The following KIF23 variants were observed in gnomAD, a reference collection of about 807,000 sequenced individuals.
The protein encoded by KIF23 is kinesin family member 23.
In KIF23, 30 loss-of-function variants were observed where a neutral mutation model predicts 137.5. The observed-to-expected ratio is 0.22, with a 90% CI of 0.16 to 0.30. The LOEUF is 0.30. KIF23 is among the 10% of genes least tolerant of loss of function. The pLI is 1.00. For synonymous variants in KIF23, 367 were observed against 391.1 expected, an observed-to-expected ratio of 0.94 and a Z score of 0.73; for missense variants, 920 against 1,194.3, an observed-to-expected ratio of 0.77 and a Z score of 3.38.
rs7168772 is a variant in KIF23 at position 69,437,084 on chromosome 15, G to A, written c.1597+362G>A. Among the ~76,000 whole-genome samples the A allele has an allele frequency of 6.4e-3, 968 of 152,286 alleles. 7 individuals carry two copies. The highest frequency in any genetic ancestry group is 0.022 in the African/African-American group (910 of 41,544). ...TGCAATAATTGTAACTTCTGAAATTGAAAGTATTTTCAATGAATCTGAGTT... is the reference window on the plus strand; with the variant it reads ...TGCAATAATTGTAACTTCTGAAATTAAAAGTATTTTCAATGAATCTGAGTT... On this transcript the variant is annotated intron_variant, in intron 15 of 23. Transcript: ENST00000679126.
chr15:69,421,553 T>G (rs963133373), intron 3 of KIF23, 94 bp from the exon 4 acceptor site: 1 of 772,062 alleles, frequency 1.3e-6, no homozygotes, highest in African/African-American at 1.7e-5. Flanking sequence ...TGCTTAGATC[T>G]TAAATGTCAT....
chr15:69,428,660 C>CA (rs59950355), intron 10 of KIF23, among the ~76,000 whole-genome samples: 1,777 of 74,102 alleles, frequency 0.024, 56 homozygotes, highest in African/African-American at 0.068. Flanking sequence ...CTCTGTCTCC[C>CA]AAAAAAAAAA....
Position 69,444,228 on chromosome 15 carries a change from G to A in KIF23, c.2422-562G>A, listed in dbSNP as rs1249907012. 1.3e-5 allele frequency: 2 copies of A among 152,470 alleles called. No homozygotes were observed. The highest frequency in any genetic ancestry group is 2.4e-5 in the African/African-American group (1 of 41,430). 9.4% of individuals were successfully genotyped at this position (152,470 alleles called of 1,614,324 possible). A position where few individuals can be genotyped will look rare whatever the true frequency, so the allele number is the denominator to read the frequency against. On this transcript the variant is annotated intron_variant, in intron 19 of 23. Transcript: ENST00000679126. This position sits in a 1 kb window ranked among gnomAD's most constrained non-coding sequence, Gnocchi z 4.2. ...TAGTTGGTATATTGTAGCCATTACT[G>A]TATTTGAACTTTTCATGAAGTTCTA...
chr15:69,433,461 G>A lies in KIF23; in HGVS notation c.1115-2022G>A, dbSNP rs540706220. On this transcript the variant is annotated intron_variant, in intron 11 of 23. Transcript: ENST00000679126. Reference sequence around the variant, plus strand: ...CCTAAGAAATCCTTGCTGAGATGTAGAGGGGACAGAGTTAGCTGATTCTGA... The same window carrying A: ...CCTAAGAAATCCTTGCTGAGATGTAAAGGGGACAGAGTTAGCTGATTCTGA... Among the ~76,000 whole-genome samples the A allele has an allele frequency of 1.1e-4, 17 of 152,328 alleles. No individual in the cohort carries two copies. The South Asian group carries it at 2.9e-3, about 26-fold the overall frequency.
At chr15:69,427,574 G>C (rs916258674) in intron 10 of KIF23, 5 of 412,458 alleles carry the variant, frequency 1.2e-5, no homozygotes, top group South Asian at 3.5e-5. Flanking sequence ...TTAGGAAGTG[G>C]CTAGTGTTAT....
At chr15:69,414,683 TC>T (rs1298517024) in intron 1 of KIF23, 4 of 481,772 alleles carry the variant, frequency 8.3e-6, no homozygotes, top group Non-Finnish European at 1.3e-5. Context: ...CCCTGCCGCG[TC>T]GCCCCCCGCC....
intron 10 of KIF23, among the ~76,000 whole-genome samples, chr15:69,427,053 AGGAGGATC>A (rs2140342994): frequency 6.6e-6 from 1 of 152,098 alleles, no homozygotes; most frequent in African/African-American, 2.4e-5. Flanking sequence ...AGGCCAAGGC[AGGAGGATC>A]ACTTGAGGCC....
intron 13 of KIF23, 65 bp from the exon 14 acceptor site, chr15:69,436,073 T>G: frequency 1.3e-6 from 2 of 1,572,736 alleles, no homozygotes; most frequent in African/African-American, 1.4e-5. Context: ...CTTTGCTTCA[T>G]TTAGTAATTT....
Position 69,429,331 on chromosome 15 carries a change from G to A in KIF23, c.1114+118G>A, listed in dbSNP as rs2057292395. ...TTTTAATTTTTATTTTATTGAGACG[G>A]TCTTACTCTGTTACCCAGGATGGAA... On this transcript the variant is annotated intron_variant, in intron 11 of 23. Transcript: ENST00000679126. 12 of 686,492 alleles carry A rather than the reference G, an allele frequency of 1.7e-5. No homozygotes were observed. The East Asian group carries it at 3.3e-4, about 19-fold the overall frequency. 42.5% of individuals were successfully genotyped at this position (686,492 alleles called of 1,614,324 possible).
intron 22 of KIF23, chr15:69,446,635 G>A: frequency 1.6e-6 from 1 of 617,838 alleles, no homozygotes; most frequent in Non-Finnish European, 2.9e-6. Flanking sequence ...AACTCTCTTT[G>A]CAAACTTATC....
At chr15:69,427,944 C>T (rs2057245398) in intron 10 of KIF23, among the ~76,000 whole-genome samples, 1 of 152,152 alleles carries the variant, frequency 6.6e-6, no homozygotes, top group Non-Finnish European at 1.5e-5. Flanking sequence ...ATAGTCAGCC[C>T]TCAATAACCG....
rs1417329298 is a variant in KIF23, at chr15:69,421,821, A to T, written c.316+69A>T. On this transcript the variant is annotated intron_variant, in intron 4 of 23. Transcript: ENST00000679126. ...CCTCTTCTGATAAAACTTTTTTGAT[A>T]TTTATATATTTGATTTATGTTTGGT... is the stretch of plus-strand genomic sequence containing the variant. The T allele has an allele frequency of 2.3e-6, 3 of 1,321,354 alleles. No homozygotes were observed. In the East Asian group the frequency reaches 7.1e-5, roughly 31 times the overall value. The allele number at this position is 1,321,354 out of a possible 1,614,324, so 81.9% of individuals were successfully genotyped here.
chr15:69,443,068 G>A (rs957670758), intron 19 of KIF23, among the ~76,000 whole-genome samples: 4 of 152,068 alleles, frequency 2.6e-5, no homozygotes, highest in African/African-American at 7.2e-5. Flanking sequence ...ACTTTCTTTC[G>A]TGTTCAACAT....
At chr15:69,439,847 A>T in intron 16 of KIF23, 57 bp from the exon 17 acceptor site, 1 of 1,325,606 alleles carries the variant, frequency 7.5e-7, no homozygotes, top group Non-Finnish European at 1.0e-6. Flanking sequence ...AGACTATTTT[A>T]TAGCGACATG....
chr15:69,439,236 C>A (rs2057555419), intron 16 of KIF23, among the ~76,000 whole-genome samples: 1 of 151,662 alleles, frequency 6.6e-6, no homozygotes, highest in Non-Finnish European at 1.5e-5. Context: ...TTCTCTGACC[C>A]AAACAAGGGA....
At chr15:69,432,102 G>C (rs750648128) in intron 11 of KIF23, among the ~76,000 whole-genome samples, 5 of 152,196 alleles carry the variant, frequency 3.3e-5, no homozygotes, top group Non-Finnish European at 5.9e-5. Context: ...CCAAGAGGAA[G>C]GATTAACTTT....
intron 11 of KIF23, among the ~76,000 whole-genome samples, chr15:69,433,082 T>C (rs191778623): frequency 1.1e-3 from 166 of 152,286 alleles, no homozygotes; most frequent in Non-Finnish European, 1.5e-4. Context: ...ATGGATTATT[T>C]TGTGAGAGAT....
rs2057106600 is a variant in KIF23 at position 69,423,222 on chromosome 15, G to T, written c.627G>T (p.Glu209Asp). Residue 209 changes from glutamate (E) to aspartate (D), a missense_variant, in exon 7 of 24, where the codon GAG becomes GAT. Physicochemically the swap from Glu to Asp is conservative, Grantham distance 45. Coordinates refer to ENST00000679126, the MANE Select transcript of KIF23 (RefSeq NM_001367805.3). ...ITVQEFCKAE[E>D]VDEDSVYGVF... is the part of the protein sequence containing the mutation. ...TACAAGAATTCTGCAAAGCAGAAGAGGTTGATGAAGATAGTGTCTATGGTG... is the reference window on the plus strand; with the variant it reads ...TACAAGAATTCTGCAAAGCAGAAGATGTTGATGAAGATAGTGTCTATGGTG... The T allele has an allele frequency of 6.3e-7, 1 of 1,598,716 alleles. No individual in the cohort carries two copies. Among genetic ancestry groups the T allele is most frequent in the Admixed American group, 1.7e-5 (1 of 59,566 alleles).
chr15:69,423,030 C>A, intron 6 of KIF23, 129 bp from the exon 7 acceptor site: 1 of 627,588 alleles, frequency 1.6e-6, no homozygotes, highest in South Asian at 1.8e-5. Flanking sequence ...AGTTCCTGAT[C>A]TCAGGTGATC....
Sources: allele counts gnomAD v4.1 joint callset (sites outside exome capture counted in the v4.1 genomes callset), GRCh38; gene constraint gnomAD v4.1.1; non-coding constraint Gnocchi (gnomAD v3.1); transcripts MANE v1.5; gene names NCBI Gene and HGNC (gene_info 2026-07-23, HGNC 2026-07-21).